RPS5: variants seen among roughly 807,000 people sequenced by gnomAD.
RPS5 encodes small ribosomal subunit protein uS7.
RPS5 carries 2 observed loss-of-function variants against 20.9 expected under a neutral mutation model. The observed-to-expected ratio is 0.10, with a 90% CI of 0.04 to 0.30. The LOEUF (loss-of-function observed/expected upper bound fraction) is 0.30, where lower values mean the gene tolerates loss of function less well. RPS5 is among the 10% of genes least tolerant of loss of function. RPS5 has a pLI of 1.00. For missense variants in RPS5, 122 were observed against 287.2 expected (o/e 0.42, Z 4.16); for synonymous variants, 112 against 105.8 (o/e 1.06, Z -0.36).
intron 2 of RPS5, among the ~76,000 whole-genome samples, chr19:58,392,759 A>G (rs1475083108): frequency 1.3e-5 from 2 of 151,986 alleles, no homozygotes; most frequent in African/African-American, 4.8e-5. Flanking sequence ...TTACGAAGGA[A>G]GTGTACTTTT....
chr19:58,388,313 A>G, intron 2 of RPS5, 68 bp downstream of exon 2: 2 of 1,109,642 alleles, frequency 1.8e-6, no homozygotes, highest in East Asian at 2.5e-5. Flanking sequence ...GCACACATCA[A>G]ACTTGTTGCT....
chr19:58,391,050 C>T (rs545349327), intron 2 of RPS5, among the ~76,000 whole-genome samples: 1 of 152,296 alleles, frequency 6.6e-6, no homozygotes, highest in Admixed American at 6.5e-5. Flanking sequence ...CTCCTTTCTT[C>T]CCCTTTACAT....
chr19:58,387,812 G>A (rs943701104), intron 1 of RPS5: 1 of 324,916 alleles, frequency 3.1e-6, no homozygotes, highest in Non-Finnish European at 5.8e-6. Flanking sequence ...TGTAAATCGC[G>A]AGATTGTGGT....
At chr19:58,392,278 T>C (rs910088727) in intron 2 of RPS5, among the ~76,000 whole-genome samples, 8 of 151,100 alleles carry the variant, frequency 5.3e-5, no homozygotes, top group Non-Finnish European at 7.4e-5. Context: ...GAGCCGAGGT[T>C]GCGCCACTGC....
intron 2 of RPS5, among the ~76,000 whole-genome samples, chr19:58,391,414 A>G (rs1255125842): frequency 2.7e-5 from 4 of 147,656 alleles, no homozygotes; most frequent in African/African-American, 5.1e-5. Context: ...CCTGGCCAAC[A>G]AGAGCGAAAC....
rs1032782346 is a variant in RPS5 at position 58,387,342 on chromosome 19, G to A, written c.-2+3G>A. On this transcript the variant is annotated splice_donor_region_variant and intron_variant, in intron 1 of 5. Transcript: ENST00000196551. ...AGACGCTCAGGCTGTGTTCTCAGGT[G>A]AGACCGCCGCGGGGCCGGGGATCCT... 6.6e-6 allele frequency: 1 copy of A among 152,420 alleles called. No individual in the cohort carries two copies. Among genetic ancestry groups the A allele is most frequent in the Admixed American group, 6.5e-5 (1 of 15,306 alleles). 9.4% of individuals were successfully genotyped at this position (152,420 alleles called of 1,614,324 possible).
At chr19:58,388,107 C>G in intron 1 of RPS5, 30 bp from the exon 2 acceptor site, 1 of 1,520,024 alleles carries the variant, frequency 6.6e-7, no homozygotes, top group Non-Finnish European at 9.1e-7. Context: ...TGAGCTCTGA[C>G]GTTTTTTTCC....
At chr19:58,388,384 A>G (rs1046376122) in intron 2 of RPS5, 139 bp downstream of exon 2, 2 of 650,836 alleles carry the variant, frequency 3.1e-6, no homozygotes, top group Non-Finnish European at 5.6e-6. Flanking sequence ...TGACCACCAC[A>G]TCTACCACAT....
chr19:58,393,720 C>T (rs1484050038), intron 4 of RPS5: 13 of 530,044 alleles, frequency 2.5e-5, no homozygotes, highest in African/African-American at 7.5e-5. Context: ...TATATTTTTA[C>T]ACTGTGTGTA....
At chr19:58,388,287 A>G (rs1207476217) in intron 2 of RPS5, 42 bp downstream of exon 2, 11 of 1,371,324 alleles carry the variant, frequency 8.0e-6, no homozygotes, top group Non-Finnish European at 1.1e-5. Flanking sequence ...CTGGGGGCGG[A>G]CATTATTCCA....
intron 2 of RPS5, 99 bp from the exon 3 acceptor site, chr19:58,392,877 C>G (rs2052372773): frequency 9.0e-7 from 1 of 1,107,558 alleles, no homozygotes; most frequent in Non-Finnish European, 1.3e-6. Flanking sequence ...AGCTGTTGGA[C>G]TACCCCGAAT....
rs1314806627 is a variant in RPS5, at chr19:58,387,279, C to T, written c.-62C>T. ...CCCGCGGCGCGCGGCCTCTTCCTGT[C>T]TGTACCAGGGCGGCGCGTGGTCTAC... On this transcript the variant is annotated 5_prime_UTR_variant, in exon 1 of 6. Transcript: ENST00000196551. 2.0e-5 allele frequency: 3 copies of T among 152,262 alleles called. No individual in the cohort carries two copies. The highest frequency in any genetic ancestry group is 1.9e-4 in the East Asian group (1 of 5,194). 9.4% of individuals were successfully genotyped at this position (152,262 alleles called of 1,614,324 possible).
chr19:58,389,253 C>T (rs1170980231), intron 2 of RPS5, among the ~76,000 whole-genome samples: 1 of 152,038 alleles, frequency 6.6e-6, no homozygotes, highest in Non-Finnish European at 1.5e-5. Context: ...TATTCACTTT[C>T]CTCCTCTTTT....
At position 58,388,017 on chromosome 19, in the gene RPS5, C is replaced by A. The variant is rs140966415; in HGVS notation, c.-1-120C>A. 1,501 of 661,422 alleles carry A rather than the reference C, an allele frequency of 2.3e-3. 18 individuals are homozygous for A. The highest frequency in any genetic ancestry group is 0.015 in the Admixed American group (599 of 39,634). The allele number at this position is 661,422 out of a possible 1,614,324, so 41.0% of individuals were successfully genotyped here. On this transcript the variant is annotated intron_variant, in intron 1 of 5. Transcript: ENST00000196551. ...AAACACGTTCACGGCCTTTCTTGGT[C>A]CTTTGCGACCCCCCAGTTCATCACT... is the stretch of plus-strand genomic sequence containing the variant.
rs113669389 is a variant in RPS5, at chr19:58,393,026, A to G, written c.159A>G (p.Ala53=). The G allele has an allele frequency of 4.3e-5, 70 of 1,614,078 alleles. No homozygotes were observed. The African/African-American group carries it at 8.4e-4, about 19-fold the overall frequency. ...EKYAKYLPHS[A]GRYAAKRFRK... is the part of the protein sequence containing the mutation. ...ATGCCAAGTACCTGCCTCACAGTGC[A>G]GGGCGGTATGCCGCCAAACGCTTCC... The change falls in exon 3 of 6, where the codon GCA becomes GCG. Residue 53 remains alanine (A), a synonymous_variant. Transcript: ENST00000196551.
intron 2 of RPS5, among the ~76,000 whole-genome samples, chr19:58,392,074 C>T (rs925759668): frequency 1.3e-5 from 2 of 152,198 alleles, no homozygotes; most frequent in Non-Finnish European, 2.9e-5. Context: ...GTAATTTCAG[C>T]ACTTTGGGAG....
chr19:58,389,826 G>T (rs960492774), intron 2 of RPS5, among the ~76,000 whole-genome samples: 51 of 151,116 alleles, frequency 3.4e-4, no homozygotes, highest in Middle Eastern at 3.4e-3. Flanking sequence ...TAGTAGAGAC[G>T]GGGTTTCACC....
intron 2 of RPS5, among the ~76,000 whole-genome samples, chr19:58,389,350 C>T (rs2052348866): frequency 6.6e-6 from 1 of 152,048 alleles, no homozygotes; most frequent in Non-Finnish European, 1.5e-5. Context: ...CAGTTCACTG[C>T]AGCCTCAATA....
rs185183370 is a variant in RPS5, at chr19:58,389,723, G to A, written c.108+1478G>A. Among the ~76,000 whole-genome samples, 284 of 152,058 alleles carry A rather than the reference G, an allele frequency of 1.9e-3. 1 individual carries two copies. The highest frequency in any genetic ancestry group is 6.2e-3 in the African/African-American group (257 of 41,456). ...ACGATCTTAGCTCACCACAACCTCC[G>A]CCTCCCGGGTTCAAGCAATGCTCCC... On this transcript the variant is annotated intron_variant, in intron 2 of 5. Coordinates refer to ENST00000196551, the MANE Select transcript of RPS5 (RefSeq NM_001009.4).
Sources: gnomAD v4.1 joint callset for allele counts (sites outside exome capture counted in the v4.1 genomes callset) on GRCh38, gnomAD v4.1.1 for gene constraint, MANE v1.5 for transcripts, NCBI Gene and HGNC (gene_info 2026-07-23, HGNC 2026-07-21) for gene names.